The following KCNIP4 variants were observed in gnomAD, a reference collection of about 807,000 sequenced individuals.
KCNIP4 encodes potassium voltage-gated channel interacting protein 4.
KCNIP4 carries 12 observed loss-of-function variants against 34.0 expected under a neutral mutation model. The ratio of observed to expected loss-of-function variants is 0.35; its 90% CI spans 0.23 to 0.57. KCNIP4 has a LOEUF of 0.57. KCNIP4 is among the 20% of genes least tolerant of loss of function. The pLI is 0.83. For synonymous variants in KCNIP4, 124 were observed against 102.2 expected (o/e 1.21, Z -1.29); for missense variants, 238 against 311.7 (o/e 0.76, Z 1.78).
At chr4:20,932,986 C>T (rs1392532642) in intron 1 of KCNIP4, among the ~76,000 whole-genome samples, 2 of 152,098 alleles carry the variant, frequency 1.3e-5, no homozygotes, top group Admixed American at 1.3e-4. Flanking sequence ...TGGCTCACAC[C>T]TGCAATCCCA....
chr4:21,940,339 T>C (rs940876394), intron 1 of KCNIP4, among the ~76,000 whole-genome samples: 5 of 152,182 alleles, frequency 3.3e-5, no homozygotes, highest in African/African-American at 1.2e-4. Context: ...AATATCACTG[T>C]GTGCTTCCAC....
intron 1 of KCNIP4, among the ~76,000 whole-genome samples, chr4:21,453,974 A>G (rs1261729602): frequency 2.6e-5 from 4 of 151,952 alleles, no homozygotes; most frequent in Non-Finnish European, 4.4e-5. Flanking sequence ...GCTTGTTGGG[A>G]GCATCAACTG....
At chr4:21,218,048 T>C (rs796668686) in intron 1 of KCNIP4, among the ~76,000 whole-genome samples, 5 of 151,530 alleles carry the variant, frequency 3.3e-5, no homozygotes, top group African/African-American at 1.2e-4. Flanking sequence ...GGAGTTTCCC[T>C]GTTGTTGCCC....
At chr4:21,527,131 C>T (rs557752342) in intron 1 of KCNIP4, among the ~76,000 whole-genome samples, 3 of 152,238 alleles carry the variant, frequency 2.0e-5, no homozygotes, top group Admixed American at 6.5e-5. Flanking sequence ...AATGCCTAGG[C>T]TGCCGTTTCC....
intron 1 of KCNIP4, 26 bp from the exon 2 acceptor site, chr4:20,882,735 T>C: frequency 6.4e-7 from 1 of 1,555,686 alleles, no homozygotes; most frequent in Non-Finnish European, 8.9e-7. Flanking sequence ...TCAGTTCTGT[T>C]AATGCTGTCT....
At chr4:21,226,172 G>T (rs1448358068) in intron 1 of KCNIP4, among the ~76,000 whole-genome samples, 1 of 145,482 alleles carries the variant, frequency 6.9e-6, no homozygotes, top group Non-Finnish European at 1.5e-5. Flanking sequence ...TTCATTTTGG[G>T]TGGCTGAGGC....
chr4:20,736,300 T>C (rs1272642641), intron 5 of KCNIP4, among the ~76,000 whole-genome samples: 1 of 152,200 alleles, frequency 6.6e-6, no homozygotes, highest in Non-Finnish European at 1.5e-5. Context: ...TATATGTAAA[T>C]ACATCGTAGT....
chr4:21,634,341 T>C (rs1281903037), intron 1 of KCNIP4, among the ~76,000 whole-genome samples: 2 of 151,938 alleles, frequency 1.3e-5, no homozygotes, highest in African/African-American at 4.8e-5. Context: ...CTAGAGTAGA[T>C]GGCATGGCTT....
intron 1 of KCNIP4, among the ~76,000 whole-genome samples, chr4:21,115,903 A>G (rs1056889132): frequency 6.6e-6 from 1 of 152,234 alleles, no homozygotes; most frequent in African/African-American, 2.4e-5. Flanking sequence ...AAGCTTTTTT[A>G]GAACATCTAT....
intron 1 of KCNIP4, among the ~76,000 whole-genome samples, chr4:20,969,346 T>G (rs1383074776): frequency 6.6e-6 from 1 of 152,182 alleles, no homozygotes; most frequent in African/African-American, 2.4e-5. Context: ...CCATTAGCAT[T>G]CCAGCCCTAA....
intron 1 of KCNIP4, among the ~76,000 whole-genome samples, chr4:21,918,272 T>A (rs1949226): frequency 0.64 from 96,795 of 152,100 alleles, 31,288 homozygotes; most frequent in East Asian, 0.9. Context: ...AATGCTGTAC[T>A]TCTCATACTT....
At chr4:21,037,719 A>G (rs73802432) in intron 1 of KCNIP4, among the ~76,000 whole-genome samples, 2,657 of 152,346 alleles carry the variant, frequency 0.017, 77 homozygotes, top group African/African-American at 0.06. Flanking sequence ...GTTTGTAAAC[A>G]GTAAATCAAT....
intron 1 of KCNIP4, among the ~76,000 whole-genome samples, chr4:21,224,636 G>A (rs1375858808): frequency 7.2e-6 from 1 of 138,516 alleles, no homozygotes; most frequent in Non-Finnish European, 1.5e-5. Flanking sequence ...ACCCAGGCTG[G>A]AGTGCAATGG....
At chr4:20,754,634 A>G (rs1453292044) in intron 4 of KCNIP4, among the ~76,000 whole-genome samples, 1 of 152,228 alleles carries the variant, frequency 6.6e-6, no homozygotes, top group Non-Finnish European at 1.5e-5. Flanking sequence ...ATGTGGTCAG[A>G]TTTCTGCATT....
chr4:21,266,582 T>G (rs538732977), intron 1 of KCNIP4, among the ~76,000 whole-genome samples: 26 of 152,308 alleles, frequency 1.7e-4, no homozygotes, highest in South Asian at 1.2e-3. Context: ...TGGCTAAAGC[T>G]AAGAAGTAAA....
chr4:21,787,710 G>T (rs991911197), intron 1 of KCNIP4, among the ~76,000 whole-genome samples: 1 of 152,110 alleles, frequency 6.6e-6, no homozygotes, highest in African/African-American at 2.4e-5. Flanking sequence ...ACACACAGCT[G>T]AAACCATATT....
intron 1 of KCNIP4, among the ~76,000 whole-genome samples, chr4:21,725,632 T>G (rs1457490030): frequency 6.6e-6 from 1 of 152,166 alleles, no homozygotes; most frequent in Non-Finnish European, 1.5e-5. Flanking sequence ...ACCTTATTAT[T>G]TTGATATTCT....
chr4:21,527,679 A>G (rs1480611439), intron 1 of KCNIP4, among the ~76,000 whole-genome samples: 1 of 152,218 alleles, frequency 6.6e-6, no homozygotes, highest in African/African-American at 2.4e-5. Context: ...CAATGGATAG[A>G]ATAGAAACCA....
chr4:21,085,411 G>A (rs527818051), intron 1 of KCNIP4, among the ~76,000 whole-genome samples: 5 of 152,272 alleles, frequency 3.3e-5, no homozygotes, highest in East Asian at 3.9e-4. Context: ...TGCAGCCTGA[G>A]CTGACTAAGA....
Sources: gnomAD v4.1 joint callset for allele counts (sites outside exome capture counted in the v4.1 genomes callset) on GRCh38, gnomAD v4.1.1 for gene constraint, MANE v1.5 for transcripts, NCBI Gene and HGNC (gene_info 2026-07-23, HGNC 2026-07-21) for gene names.